The following CFLAR variants were observed in gnomAD, a reference collection of about 807,000 sequenced individuals.
CFLAR encodes CASP8 and FADD like apoptosis regulator.
CFLAR carries 14 observed loss-of-function variants against 51.1 expected under a neutral mutation model. That is an observed-to-expected ratio of 0.27 (90% CI 0.18 to 0.43). The LOEUF is 0.43. Among genes scored for constraint, CFLAR ranks in the 20% least tolerant of loss-of-function variants. The probability of loss-of-function intolerance (pLI) is 1.00; values close to 1 mark genes in which losing one functional copy is unlikely to be tolerated. For missense variants in CFLAR, 390 were observed against 566.5 expected, an observed-to-expected ratio of 0.69 and a Z score of 3.16; for synonymous variants, 210 against 211.6, an observed-to-expected ratio of 0.99 and a Z score of 0.06.
chr2:201,132,509 T>G (rs1299454675), intron 2 of CFLAR, among the ~76,000 whole-genome samples: 1 of 151,680 alleles, frequency 6.6e-6, no homozygotes, highest in African/African-American at 2.4e-5. Flanking sequence ...CAAAGACATC[T>G]AAGTTCAGAA....
rs1242107641 is a variant in CFLAR at position 201,138,157 on chromosome 2, C to A, written c.523+2050C>A. ...TGGCCTGGGCTGCTGTCACCACGTTCCCCCCAATCACCTGGAGGTGGGGTT... is the reference window on the plus strand; with the variant it reads ...TGGCCTGGGCTGCTGTCACCACGTTACCCCCAATCACCTGGAGGTGGGGTT... On this transcript the variant is annotated intron_variant, in intron 4 of 9. Coordinates refer to ENST00000309955, the MANE Select transcript of CFLAR (RefSeq NM_003879.7). This position sits in a 1 kb window ranked among gnomAD's most constrained non-coding sequence, Gnocchi z 4.0. The A allele has an allele frequency of 1.1e-6, 1 of 877,882 alleles. No homozygotes were observed. Among genetic ancestry groups the A allele is most frequent in the Non-Finnish European group, 1.9e-6 (1 of 514,150 alleles). 54.4% of individuals were successfully genotyped at this position (877,882 alleles called of 1,614,324 possible).
In CFLAR at chr2:201,164,155, CT is replaced by C. The variant is rs140992132; in HGVS notation, c.*184del. On this transcript the variant is annotated 3_prime_UTR_variant, in exon 10 of 10. Coordinates refer to ENST00000309955, the MANE Select transcript of CFLAR (RefSeq NM_003879.7). Reference sequence around the variant, plus strand: ...GTGTGGGTACCTGTATTCCCAGTTACTTGGGAGGCTGAGGTGGGAGGATCTT... The same window carrying C: ...GTGTGGGTACCTGTATTCCCAGTTACTGGGAGGCTGAGGTGGGAGGATCTT... 14,505 of 451,340 alleles carry C rather than the reference CT, an allele frequency of 0.032. 361 individuals carry two copies. Among genetic ancestry groups the C allele is most frequent in the South Asian group, 0.06 (1,909 of 31,892 alleles). 28.0% of individuals were successfully genotyped at this position (451,340 alleles called of 1,614,324 possible).
At position 201,137,048 on chromosome 2, in the gene CFLAR, C is replaced by T. The variant is rs190186889; in HGVS notation, c.523+941C>T. ...CAGAGCTGGGGAAGGGGGCAGAGAC[C>T]TCCCCTTGGCCTAGGTCTGGAGCTC... On this transcript the variant is annotated intron_variant, in intron 4 of 9. Coordinates refer to ENST00000309955, the MANE Select transcript of CFLAR (RefSeq NM_003879.7). 495 of 176,258 alleles carry T rather than the reference C, an allele frequency of 2.8e-3. 2 individuals are homozygous for T. The highest frequency in any genetic ancestry group is 0.011 in the African/African-American group (462 of 41,856). The allele number at this position is 176,258 out of a possible 1,614,324, so 10.9% of individuals were successfully genotyped here.
chr2:201,135,901 A>G, intron 3 of CFLAR, 71 bp from the exon 4 acceptor site: 1 of 1,552,516 alleles, frequency 6.4e-7, no homozygotes, highest in Non-Finnish European at 8.7e-7. Flanking sequence ...TGCTGGGATT[A>G]CAGGTATGAA....
rs12721504 is a variant in CFLAR at position 201,160,765 on chromosome 2, A to T, written c.1127A>T (p.Asp376Val). 46 of 1,613,882 alleles carry T rather than the reference A, an allele frequency of 2.9e-5. No individual in the cohort carries two copies. The highest frequency in any genetic ancestry group is 2.0e-4 in the East Asian group (9 of 44,890). The change falls in exon 9 of 10, where the codon GAT becomes GTT. Residue 376 changes from aspartate to valine, a missense_variant. Asp to Val is a radical substitution (Grantham distance 152). Around this residue, in one of 2 missense-constraint regions of CFLAR, gnomAD observed 287 missense variants for 363.6 expected, o/e 0.79. Transcript: ENST00000309955. ...GAGGACAGCAGCCTCTTGGAGGTGG[A>T]TGGGCCAGCGATGAAGAATGTGGAA... ...QLEDSSLLEVDGPAMKNVEFK... is the reference protein window; with the variant it reads ...QLEDSSLLEVVGPAMKNVEFK...
rs886340655 is a variant in CFLAR, at chr2:201,164,944, A to G, written c.*971A>G. ...TCACATGGCAGAAAAAGAGGATGCA[A>G]ACTCTCAAGTATATCTTTAAGGGCA... On this transcript the variant is annotated 3_prime_UTR_variant, in exon 10 of 10. Transcript: ENST00000309955. The G allele has an allele frequency of 6.6e-6, 1 of 152,104 alleles. No individual in the cohort carries two copies. Among genetic ancestry groups the G allele is most frequent in the Non-Finnish European group, 1.5e-5 (1 of 68,022 alleles). The allele number at this position is 152,104 out of a possible 1,614,324, so 9.4% of individuals were successfully genotyped here.
chr2:201,134,496 G>A (rs567961716), intron 3 of CFLAR, among the ~76,000 whole-genome samples: 7 of 151,526 alleles, frequency 4.6e-5, no homozygotes, highest in African/African-American at 1.5e-4. Context: ...TTAGCTGGGC[G>A]TAGTGGTGGG....
At chr2:201,141,592 ACTT>A (rs1234689160) in intron 5 of CFLAR, 2 of 1,312,990 alleles carry the variant, frequency 1.5e-6, no homozygotes, top group Non-Finnish European at 1.9e-6. Context: ...ATATCCTTGT[ACTT>A]CTTTGTGCAT....
rs1944167505 is a variant in CFLAR at position 201,176,248 on chromosome 2, C to A, written c.*12275C>A. On this transcript the variant is annotated 3_prime_UTR_variant, in exon 10 of 10. Transcript: ENST00000309955. ...CCACTCCTGAGATCTTTTTGAGAAGCTGATGATCAGTCTCAGGTGTTTTCT... is the reference window on the plus strand; with the variant it reads ...CCACTCCTGAGATCTTTTTGAGAAGATGATGATCAGTCTCAGGTGTTTTCT... The A allele has an allele frequency of 8.4e-6, 1 of 119,354 alleles. No individual in the cohort carries two copies. Among genetic ancestry groups the A allele is most frequent in the East Asian group, 2.4e-4 (1 of 4,126 alleles). 7.4% of individuals were successfully genotyped at this position (119,354 alleles called of 1,614,324 possible). A position where few individuals can be genotyped will look rare whatever the true frequency, so the allele number is the denominator to read the frequency against.
chr2:201,149,896 C>A, intron 8 of CFLAR, 61 bp downstream of exon 8: 1 of 1,269,846 alleles, frequency 7.9e-7, no homozygotes, highest in African/African-American at 1.5e-5. Context: ...CACAGGCAAG[C>A]TGTATTCATT....
At chr2:201,145,153 T>C (rs991290595) in intron 5 of CFLAR, among the ~76,000 whole-genome samples, 1 of 152,166 alleles carries the variant, frequency 6.6e-6, no homozygotes, top group Non-Finnish European at 1.5e-5. Flanking sequence ...GCTCCCGGCC[T>C]ATTTTCATCT....
At chr2:201,131,000 T>C (rs956250442) in intron 2 of CFLAR, among the ~76,000 whole-genome samples, 4 of 152,222 alleles carry the variant, frequency 2.6e-5, no homozygotes, top group African/African-American at 9.6e-5. Context: ...CTTCCTGCAC[T>C]TCCTGCGCTT....
rs771361555 is a variant in CFLAR, at chr2:201,130,353, C to CTT, written c.281+232_281+233dup. Among the ~76,000 whole-genome samples the CTT allele has an allele frequency of 8.5e-3, 785 of 92,278 alleles. 109 individuals are homozygous for CTT. Among genetic ancestry groups the CTT allele is most frequent in the African/African-American group, 0.027 (557 of 20,740 alleles). The allele number at this position is 92,278 out of a possible 152,430, so 60.5% of individuals were successfully genotyped here. The stretch of plus-strand genomic sequence containing the variant: ...TTTCTTGCTTTCTTTTTCTTTCTTT[C>CTT]TTTTTTTTTTTTTTTTTTTTTTTTT... On this transcript the variant is annotated intron_variant, in intron 2 of 9. Coordinates refer to ENST00000309955, the MANE Select transcript of CFLAR (RefSeq NM_003879.7).
intron 9 of CFLAR, chr2:201,163,455 C>T (rs1943256740): frequency 9.0e-7 from 1 of 1,110,360 alleles, no homozygotes; most frequent in Non-Finnish European, 1.1e-6. Flanking sequence ...GCCTTCTTTA[C>T]CTGGCCTCCT....
At position 201,160,683 on chromosome 2, in the gene CFLAR, G is replaced by A; in HGVS notation, c.1045G>A (p.Ala349Thr). ...MFMGDSCPYL[A>T]GKPKMFFIQN... Reference sequence around the variant, plus strand: ...CATGGGAGATTCATGCCCTTATCTAGCAGGGAAGCCAAAGATGTTTTTTAT... The same window carrying A: ...CATGGGAGATTCATGCCCTTATCTAACAGGGAAGCCAAAGATGTTTTTTAT... Residue 349 changes from alanine (A) to threonine (T), a missense_variant, in exon 9 of 10, where the codon GCA becomes ACA. Around this residue, in one of 2 missense-constraint regions of CFLAR, gnomAD observed 287 missense variants for 363.6 expected, o/e 0.79. Transcript: ENST00000309955. The A allele has an allele frequency of 1.2e-6, 2 of 1,614,124 alleles. No individual in the cohort carries two copies. The highest frequency in any genetic ancestry group is 1.7e-6 in the Non-Finnish European group (2 of 1,180,038).
At chr2:201,143,975 A>T (rs182820794) in intron 5 of CFLAR, among the ~76,000 whole-genome samples, 9 of 152,272 alleles carry the variant, frequency 5.9e-5, no homozygotes, top group Admixed American at 5.9e-4. Context: ...TTTAAAAATT[A>T]TTTGGCTACA....
intron 5 of CFLAR, chr2:201,143,339 G>T (rs1054866942): frequency 2.0e-5 from 3 of 152,062 alleles, no homozygotes; most frequent in African/African-American, 7.2e-5. Flanking sequence ...AGGTGTGGTG[G>T]TGCATGCCTG....
At chr2:201,149,269 A>G (rs1209530559) in intron 7 of CFLAR, 3 of 460,284 alleles carry the variant, frequency 6.5e-6, no homozygotes, top group African/African-American at 4.0e-5. Context: ...GGAAGTTCCA[A>G]AGTAGCACTC....
In CFLAR at chr2:201,160,911, C is replaced by G; in HGVS notation, c.1273C>G (p.Gln425Glu). Reference sequence around the variant, plus strand: ...TCACAGCTCACCATCCCTGTACCTGCAGTGCCTCTCCCAGAAACTGAGACA... The same window carrying G: ...TCACAGCTCACCATCCCTGTACCTGGAGTGCCTCTCCCAGAAACTGAGACA... ...QSHSSPSLYL[Q>E]CLSQKLRQER... is the part of the protein sequence containing the mutation. Residue 425 changes from glutamine to glutamate, a missense_variant, in exon 9 of 10, where the codon CAG becomes GAG. Gln to Glu is a conservative substitution (Grantham distance 29). Transcript: ENST00000309955. 1.2e-6 allele frequency: 2 copies of G among 1,612,390 alleles called. No individual in the cohort carries two copies. The highest frequency in any genetic ancestry group is 4.5e-5 in the East Asian group (2 of 44,832).
Sources: gnomAD v4.1 joint callset for allele counts (sites outside exome capture counted in the v4.1 genomes callset) on GRCh38, gnomAD v4.1.1 for gene constraint, gnomAD v4.1.1 regional missense constraint, Gnocchi (gnomAD v3.1) non-coding constraint, MANE v1.5 for transcripts, NCBI Gene and HGNC (gene_info 2026-07-23, HGNC 2026-07-21) for gene names.